The following HTR4 variants were observed in gnomAD, a reference collection of about 807,000 sequenced individuals.
HTR4 encodes the protein 5-hydroxytryptamine (serotonin) receptor 4, G protein-coupled.
HTR4 carries 16 observed loss-of-function variants against 36.8 expected under a neutral mutation model. The observed-to-expected ratio is 0.43, with a 90% CI of 0.29 to 0.66. The LOEUF is 0.66. HTR4 is among the 30% of genes least tolerant of loss of function. The pLI, the probability that HTR4 is intolerant of heterozygous loss-of-function variation, is 0.13. For synonymous variants in HTR4, 189 were observed against 185.1 expected (o/e 1.02, Z -0.17); for missense variants, 438 against 490.9 (o/e 0.89, Z 1.02).
At chr5:148,533,963 T>G (rs183685004) in intron 4 of HTR4, among the ~76,000 whole-genome samples, 80 of 152,348 alleles carry the variant, frequency 5.3e-4, no homozygotes, top group Non-Finnish European at 9.7e-4. Flanking sequence ...TGGTTCAACA[T>G]CTTTCCCTAA....
chr5:148,523,356 G>A lies in HTR4; in HGVS notation c.354-10C>T, dbSNP rs1452766471. On this transcript the variant is annotated splice_polypyrimidine_tract_variant and intron_variant, in intron 4 of 6. Transcript: ENST00000377888. ...GCAGATGGCGTAATACCTGGAGAGA[G>A]AATAGAGGGCAGAGCATAGGCATGG... The A allele has an allele frequency of 1.2e-6, 2 of 1,602,926 alleles. No individual in the cohort carries two copies. The highest frequency in any genetic ancestry group is 1.7e-6 in the Non-Finnish European group (2 of 1,175,778).
intron 6 of HTR4, among the ~76,000 whole-genome samples, chr5:148,487,483 T>G (rs1175664858): frequency 6.6e-6 from 1 of 152,150 alleles, no homozygotes; most frequent in Admixed American, 6.5e-5. Context: ...AGAGGCTATG[T>G]GCATGAGAAC....
chr5:148,593,791 T>A (rs1463079611), intron 2 of HTR4, among the ~76,000 whole-genome samples: 2 of 152,166 alleles, frequency 1.3e-5, no homozygotes, highest in African/African-American at 4.8e-5. Flanking sequence ...TTATTGGCAA[T>A]CTGAGCTCTG....
chr5:148,460,128 G>A (rs941319553), intron 5 of HTR4, among the ~76,000 whole-genome samples: 1 of 151,024 alleles, frequency 6.6e-6, no homozygotes, highest in Non-Finnish European at 1.5e-5. Context: ...AAAAAATACA[G>A]AGCACAGTTT....
downstream of HTR4, chr5:148,481,439 C>T (rs763676418): frequency 7.2e-5 from 62 of 857,298 alleles, no homozygotes; most frequent in African/African-American, 6.9e-4. Context: ...ATATTTCTCA[C>T]GAATTCTGAA....
rs551163430 is a variant in HTR4, at chr5:148,505,485, C to T, written c.1076+3971G>A. Among the ~76,000 whole-genome samples, 1,015 of 152,274 alleles carry T rather than the reference C, an allele frequency of 6.7e-3. 4 individuals carry two copies. The highest frequency in any genetic ancestry group is 0.012 in the Non-Finnish European group (822 of 68,018). On this transcript the variant is annotated intron_variant, in intron 6 of 6. Coordinates refer to ENST00000377888, the MANE Select transcript of HTR4 (RefSeq NM_000870.7). ...CACAAGACAGGAATGCCCTCTCTCA[C>T]CACTCCTATTCAACATAGTGTTGGA...
chr5:148,503,388 A>T lies in HTR4; in HGVS notation c.1076+6068T>A, dbSNP rs892744721. The stretch of plus-strand genomic sequence containing the variant: ...CAACCCAGAATTTCATATCCAGCCA[A>T]ACTAAGCTTCATAAGTGAAGGAGAA... On this transcript the variant is annotated intron_variant, in intron 6 of 6. Transcript: ENST00000377888. 2.6e-5 allele frequency among the ~76,000 whole-genome samples: 4 copies of T among 152,276 alleles called. No individual in the cohort carries two copies. The East Asian group carries it at 5.8e-4, about 22-fold the overall frequency.
At chr5:148,476,744 A>C, downstream of HTR4, 1 of 1,613,638 alleles carries the variant, frequency 6.2e-7, no homozygotes, top group Non-Finnish European at 8.5e-7. Flanking sequence ...GGAGCTCAAA[A>C]TCTGGTAGGA....
Position 148,481,563 on chromosome 5 carries a change from T to C in HTR4, c.*1640A>G. On this transcript the variant is annotated 3_prime_UTR_variant, in exon 7 of 7. Transcript: ENST00000377888. ...TTTTTTTTCTTTTTCTTTTTGGCATTTGGATGGTTTGGTCAATCTTCTCTT... is the reference window on the plus strand; with the variant it reads ...TTTTTTTTCTTTTTCTTTTTGGCATCTGGATGGTTTGGTCAATCTTCTCTT... 6.5e-7 allele frequency: 1 copy of C among 1,528,276 alleles called. No individual in the cohort carries two copies. Among genetic ancestry groups the C allele is most frequent in the Non-Finnish European group, 8.7e-7 (1 of 1,145,082 alleles). 94.7% of individuals were successfully genotyped at this position (1,528,276 alleles called of 1,614,324 possible). A position where few individuals can be genotyped will look rare whatever the true frequency, so the allele number is the denominator to read the frequency against.
intron 2 of HTR4, among the ~76,000 whole-genome samples, chr5:148,560,880 G>A (rs1188888740): frequency 6.6e-6 from 1 of 151,948 alleles, no homozygotes; most frequent in Admixed American, 6.6e-5. Context: ...AAAAACACAT[G>A]CTAAAATTTT....
intron 6 of HTR4, among the ~76,000 whole-genome samples, chr5:148,485,398 T>C (rs1756101114): frequency 1.3e-5 from 2 of 152,218 alleles, no homozygotes; most frequent in South Asian, 2.1e-4. Flanking sequence ...TCATTCATCA[T>C]TTTGACAACT....
At chr5:148,584,539 T>C (rs1377628788) in intron 2 of HTR4, among the ~76,000 whole-genome samples, 2 of 152,216 alleles carry the variant, frequency 1.3e-5, no homozygotes, top group Non-Finnish European at 2.9e-5. Context: ...TCAGACATTC[T>C]GTAACAATTC....
intron 5 of HTR4, among the ~76,000 whole-genome samples, chr5:148,452,265 G>T (rs1266833300): frequency 1.3e-5 from 2 of 152,164 alleles, no homozygotes; most frequent in Non-Finnish European, 2.9e-5. Context: ...ATAACGCATA[G>T]TCAAGTTTAG....
chr5:148,644,150 C>G (rs1021425110), intron 1 of HTR4, among the ~76,000 whole-genome samples: 4 of 152,162 alleles, frequency 2.6e-5, no homozygotes, highest in African/African-American at 9.7e-5. Flanking sequence ...AGGGACCACT[C>G]TTTGAGAACC....
intron 4 of HTR4, among the ~76,000 whole-genome samples, chr5:148,531,650 C>T (rs1033628375): frequency 6.6e-6 from 1 of 152,200 alleles, no homozygotes; most frequent in Non-Finnish European, 1.5e-5. Context: ...CCAGGTCCTA[C>T]TGCAGTACAT....
Position 148,537,636 on chromosome 5 carries a change from A to G in HTR4, c.353+11032T>C, listed in dbSNP as rs548318849. Among the ~76,000 whole-genome samples the G allele has an allele frequency of 1.1e-4, 17 of 152,280 alleles. No individual in the cohort carries two copies. In the South Asian group the frequency reaches 3.5e-3, roughly 32 times the overall value. ...ATGCACACTAACTAGAAAACCTAGAAGAGATGGATAAATTCCCGGACACAT... is the reference window on the plus strand; with the variant it reads ...ATGCACACTAACTAGAAAACCTAGAGGAGATGGATAAATTCCCGGACACAT... On this transcript the variant is annotated intron_variant, in intron 4 of 6. Transcript: ENST00000377888.
At chr5:148,629,461 C>T (rs1446783324) in intron 2 of HTR4, 1 of 152,160 alleles carries the variant, frequency 6.6e-6, no homozygotes, top group African/African-American at 2.4e-5. Flanking sequence ...GGAGCTTCTG[C>T]TTTACTAAAG....
intron 5 of HTR4, among the ~76,000 whole-genome samples, chr5:148,464,335 A>T (rs1221102726): frequency 6.6e-6 from 1 of 152,202 alleles, no homozygotes; most frequent in Admixed American, 6.5e-5. Context: ...CAAAAGACAT[A>T]CCTGATACCA....
At chr5:148,650,959 G>T (rs1273595558) in intron 1 of HTR4, among the ~76,000 whole-genome samples, 2 of 152,124 alleles carry the variant, frequency 1.3e-5, no homozygotes, top group African/African-American at 4.8e-5. Flanking sequence ...CTATAATATG[G>T]AGGTTCAGAG....
Sources: allele counts gnomAD v4.1 joint callset (sites outside exome capture counted in the v4.1 genomes callset), GRCh38; gene constraint gnomAD v4.1.1; transcripts MANE v1.5; gene names NCBI Gene and HGNC (gene_info 2026-07-23, HGNC 2026-07-21).